The following PTPRD variants were observed in gnomAD, a reference collection of about 807,000 sequenced individuals.
PTPRD encodes receptor-type tyrosine-protein phosphatase delta.
Under a neutral mutation model 214.5 loss-of-function variants are expected in PTPRD, and 34 were observed. The observed-to-expected ratio is 0.16, with a 90% CI of 0.12 to 0.21. PTPRD has a LOEUF of 0.21. PTPRD is among the 10% of genes least tolerant of loss of function. The probability of loss-of-function intolerance (pLI) is 1.00; values close to 1 mark genes in which losing one functional copy is unlikely to be tolerated. For synonymous variants in PTPRD, 1,128 were observed against 845.7 expected (o/e 1.33, Z -5.79); for missense variants, 2,545 against 2,398.7 (o/e 1.06, Z -1.27).
intron 11 of PTPRD, among the ~76,000 whole-genome samples, chr9:9,002,840 G>C (rs1441387785): frequency 6.6e-6 from 1 of 151,992 alleles, no homozygotes; most frequent in Non-Finnish European, 1.5e-5. Context: ...ATCAAGTAAG[G>C]GTCACCACAA....
chr9:8,603,227 C>T (rs1228300620), intron 14 of PTPRD, among the ~76,000 whole-genome samples: 2 of 151,860 alleles, frequency 1.3e-5, no homozygotes, highest in Non-Finnish European at 2.9e-5. Context: ...TAAAATCATT[C>T]ATTACTCTTT....
At chr9:8,626,716 G>C (rs898321145) in intron 14 of PTPRD, among the ~76,000 whole-genome samples, 11 of 151,562 alleles carry the variant, frequency 7.3e-5, no homozygotes, top group Admixed American at 3.3e-4. Flanking sequence ...TTCAAACTGG[G>C]ACATCAGCTT....
chr9:10,522,957 G>C (rs567759661), intron 2 of PTPRD, among the ~76,000 whole-genome samples: 2 of 152,110 alleles, frequency 1.3e-5, no homozygotes, highest in African/African-American at 2.4e-5. Context: ...TTAATGTTCT[G>C]TGAGGGGGTT....
intron 2 of PTPRD, among the ~76,000 whole-genome samples, chr9:10,443,199 T>C (rs2098773093): frequency 1.3e-5 from 2 of 151,560 alleles, no homozygotes; most frequent in South Asian, 4.1e-4. Context: ...AATGTTCACA[T>C]TGAGACTATA....
intron 37 of PTPRD, among the ~76,000 whole-genome samples, chr9:8,388,921 G>T (rs1298227551): frequency 6.6e-6 from 1 of 151,004 alleles, no homozygotes; most frequent in Non-Finnish European, 1.5e-5. Context: ...TGGTGTTTTT[G>T]AAAGAGGTTC....
At chr9:10,368,078 CA>C (rs1450282628) in intron 2 of PTPRD, among the ~76,000 whole-genome samples, 1 of 152,006 alleles carries the variant, frequency 6.6e-6, no homozygotes, top group Non-Finnish European at 1.5e-5. Flanking sequence ...CAACCATAGA[CA>C]AGCATAATTT....
chr9:9,506,861 A>G (rs927175697), intron 8 of PTPRD, among the ~76,000 whole-genome samples: 1 of 151,448 alleles, frequency 6.6e-6, no homozygotes, highest in Admixed American at 6.6e-5. Flanking sequence ...CAGTCTTGTT[A>G]ACAAGGCTGG....
At chr9:8,607,081 T>G (rs2095253865) in intron 14 of PTPRD, among the ~76,000 whole-genome samples, 1 of 152,206 alleles carries the variant, frequency 6.6e-6, no homozygotes, top group Non-Finnish European at 1.5e-5. Context: ...TACAAAATTT[T>G]GGTTAGGAGA....
chr9:8,486,428 C>T (rs758231868), intron 27 of PTPRD, 79 bp from the exon 28 acceptor site: 10 of 1,202,024 alleles, frequency 8.3e-6, no homozygotes, highest in Non-Finnish European at 1.2e-5. Flanking sequence ...GAGGGAGTTC[C>T]ACTCTACTGG....
intron 8 of PTPRD, among the ~76,000 whole-genome samples, chr9:9,512,393 T>C (rs2096730941): frequency 6.6e-6 from 1 of 151,836 alleles, no homozygotes; most frequent in African/African-American, 2.4e-5. Context: ...TTTAAAGAGA[T>C]AAAGTATGCC....
intron 2 of PTPRD, among the ~76,000 whole-genome samples, chr9:10,494,368 C>A (rs2041362815): frequency 6.6e-6 from 1 of 151,686 alleles, no homozygotes. Context: ...ATCATTTACT[C>A]TAATTTCTGT....
intron 2 of PTPRD, among the ~76,000 whole-genome samples, chr9:10,561,489 T>C (rs1478217654): frequency 6.6e-6 from 1 of 152,102 alleles, no homozygotes. Context: ...TACACCCCTA[T>C]TACCTAGAAT....
intron 3 of PTPRD, 144 bp downstream of exon 3, chr9:10,340,819 G>C (rs1276396509): frequency 6.6e-6 from 1 of 151,882 alleles, no homozygotes; most frequent in Non-Finnish European, 1.5e-5. Flanking sequence ...CACACCATTA[G>C]TGCACTGACC....
At chr9:9,919,277 G>A (rs375530336) in intron 5 of PTPRD, among the ~76,000 whole-genome samples, 2 of 151,590 alleles carry the variant, frequency 1.3e-5, no homozygotes, top group African/African-American at 4.9e-5. Flanking sequence ...TTGACCTCCA[G>A]TCATCTCTCT....
Position 9,930,009 on chromosome 9 carries a change from T to C in PTPRD, c.-368+8498A>G, listed in dbSNP as rs1024188472. 1.3e-4 allele frequency among the ~76,000 whole-genome samples: 20 copies of C among 152,190 alleles called. 1 individual carries two copies. The highest frequency in any genetic ancestry group is 4.8e-4 in the African/African-American group (20 of 41,452). ...TTTACCACCTAGTTCAGGAGTCAGATACTCAGTCTGTAGGAAACAAAACAA... is the reference window on the plus strand; with the variant it reads ...TTTACCACCTAGTTCAGGAGTCAGACACTCAGTCTGTAGGAAACAAAACAA... On this transcript the variant is annotated intron_variant, in intron 5 of 45. Coordinates refer to ENST00000381196, the MANE Select transcript of PTPRD (RefSeq NM_002839.4).
intron 10 of PTPRD, among the ~76,000 whole-genome samples, chr9:9,035,400 C>T (rs1166649497): frequency 3.3e-5 from 5 of 152,034 alleles, no homozygotes; most frequent in South Asian, 4.1e-4. Flanking sequence ...GAATGTCTTT[C>T]TCAAAGACCT....
intron 5 of PTPRD, among the ~76,000 whole-genome samples, chr9:9,912,472 C>T (rs73402615): frequency 9.9e-5 from 15 of 152,084 alleles, no homozygotes; most frequent in Admixed American, 9.8e-4. Context: ...GTTCTTTTTG[C>T]CATATGAATT....
rs148583741 is a variant in PTPRD at position 9,597,257 on chromosome 9, A to C, written c.-286-22476T>G. ...CCCACCGCAGGATATCATCCCATCA[A>C]AGTGGGAAAGGGAAAAAGACATACA... is the stretch of plus-strand genomic sequence containing the variant. On this transcript the variant is annotated intron_variant, in intron 7 of 45. Coordinates refer to ENST00000381196, the MANE Select transcript of PTPRD (RefSeq NM_002839.4). Among the ~76,000 whole-genome samples the C allele has an allele frequency of 3.3e-5, 5 of 152,102 alleles. No individual in the cohort carries two copies. In the East Asian group the frequency reaches 9.7e-4, roughly 29 times the overall value.
At chr9:8,976,616 G>A (rs898208938) in intron 11 of PTPRD, among the ~76,000 whole-genome samples, 8 of 152,028 alleles carry the variant, frequency 5.3e-5, no homozygotes, top group African/African-American at 1.9e-4. Flanking sequence ...GAAAAGTTTT[G>A]TCTAATTCAA....
Sources: gnomAD v4.1 joint callset for allele counts (sites outside exome capture counted in the v4.1 genomes callset) on GRCh38, gnomAD v4.1.1 for gene constraint, MANE v1.5 for transcripts, NCBI Gene and HGNC (gene_info 2026-07-23, HGNC 2026-07-21) for gene names.